MYO6: variants seen among roughly 807,000 people sequenced by gnomAD.
MYO6 encodes unconventional myosin-VI.
In MYO6, 74 loss-of-function variants were observed where a neutral mutation model predicts 178.7. The observed-to-expected ratio is 0.41, with a 90% CI of 0.34 to 0.50. MYO6 has a LOEUF of 0.50. Ranked by LOEUF, MYO6 falls within the 20% of genes least tolerant of loss-of-function variation. The probability of loss-of-function intolerance (pLI) is 0.09; values close to 1 mark genes in which losing one functional copy is unlikely to be tolerated. For synonymous variants in MYO6, 477 were observed against 504.6 expected (o/e 0.95, Z 0.73); for missense variants, 1,330 against 1,547.4 (o/e 0.86, Z 2.36).
intron 23 of MYO6, among the ~76,000 whole-genome samples, chr6:75,884,419 T>G (rs565356253): frequency 6.6e-6 from 1 of 152,166 alleles, no homozygotes; most frequent in South Asian, 2.1e-4. Flanking sequence ...TAAGACAGTT[T>G]GGGAGGTAGC....
chr6:75,799,571 A>G (rs1015314072), intron 1 of MYO6, among the ~76,000 whole-genome samples: 2 of 152,174 alleles, frequency 1.3e-5, no homozygotes, highest in Admixed American at 6.5e-5. Context: ...AGGCAAGCAA[A>G]TATATAGACT....
At chr6:75,799,339 G>A (rs1202913615) in intron 1 of MYO6, among the ~76,000 whole-genome samples, 3 of 150,778 alleles carry the variant, frequency 2.0e-5, no homozygotes, top group Admixed American at 6.6e-5. Context: ...GCAGTGATTC[G>A]CGATCTTGCC....
chr6:75,812,124 T>A (rs763170970), intron 1 of MYO6, among the ~76,000 whole-genome samples: 5 of 152,082 alleles, frequency 3.3e-5, no homozygotes, highest in Non-Finnish European at 5.9e-5. Flanking sequence ...ATTCAAGTCA[T>A]CCTCCTGCCT....
rs755583240 is a variant in MYO6 at position 75,887,012 on chromosome 6, G to A, written c.2658+18G>A. ...AAATTAAGGTATGTAATTTCAACCC[G>A]AATGACTTTGACTTTTTATGTAATT... On this transcript the variant is annotated intron_variant, in intron 25 of 34. Transcript: ENST00000369977. 8 of 1,598,862 alleles carry A rather than the reference G, an allele frequency of 5.0e-6. No homozygotes were observed. The highest frequency in any genetic ancestry group is 4.5e-5 in the East Asian group (2 of 44,746).
In MYO6 at chr6:75,838,198, G is replaced by A. The variant is rs368540249; in HGVS notation, c.553+2242G>A. 2.0e-5 allele frequency among the ~76,000 whole-genome samples: 3 copies of A among 152,004 alleles called. No individual in the cohort carries two copies. In the East Asian group the frequency reaches 5.8e-4, roughly 29 times the overall value. ...CTACCGAGTAGCTGGGATTATAGGG[G>A]TGTGTGCCACCACGCCTGGCTGATT... On this transcript the variant is annotated intron_variant, in intron 7 of 34. Transcript: ENST00000369977.
At chr6:75,879,335 C>T (rs1777822124) in intron 20 of MYO6, among the ~76,000 whole-genome samples, 1 of 152,074 alleles carries the variant, frequency 6.6e-6, no homozygotes, top group Non-Finnish European at 1.5e-5. Context: ...CCTCCACCTC[C>T]TTTGGCTCAG....
At chr6:75,857,775 C>T (rs1363774971) in intron 13 of MYO6, among the ~76,000 whole-genome samples, 1 of 152,176 alleles carries the variant, frequency 6.6e-6, no homozygotes, top group Non-Finnish European at 1.5e-5. Flanking sequence ...AGTTAAACAA[C>T]TGTAGAGCTG....
intron 5 of MYO6, among the ~76,000 whole-genome samples, chr6:75,831,904 A>G (rs1773133400): frequency 2.6e-5 from 4 of 151,578 alleles, no homozygotes; most frequent in Admixed American, 2.6e-4. Context: ...AAAAAAAAAA[A>G]GAAAAAAGCG....
chr6:75,874,759 T>C (rs959259187), intron 20 of MYO6, among the ~76,000 whole-genome samples: 3 of 152,244 alleles, frequency 2.0e-5, no homozygotes, highest in Non-Finnish European at 4.4e-5. Context: ...TCTTCCTCCT[T>C]ATTTTTCTCC....
intron 1 of MYO6, among the ~76,000 whole-genome samples, chr6:75,813,083 C>T (rs1278594522): frequency 2.0e-5 from 3 of 152,170 alleles, no homozygotes; most frequent in Non-Finnish European, 4.4e-5. Flanking sequence ...ATTCTGTGTA[C>T]TTACTATTAC....
intron 23 of MYO6, among the ~76,000 whole-genome samples, chr6:75,882,847 A>G (rs986175017): frequency 1.3e-5 from 2 of 152,338 alleles, no homozygotes; most frequent in East Asian, 3.9e-4. Context: ...GGTGAAATGC[A>G]TAAACACATA....
At chr6:75,812,787 T>G (rs985137243) in intron 1 of MYO6, among the ~76,000 whole-genome samples, 2 of 152,210 alleles carry the variant, frequency 1.3e-5, no homozygotes, top group African/African-American at 4.8e-5. Flanking sequence ...GATCTTTCTT[T>G]TTCATGGCTG....
chr6:75,874,443 C>T (rs1319010831), intron 20 of MYO6, among the ~76,000 whole-genome samples: 2 of 152,196 alleles, frequency 1.3e-5, no homozygotes, highest in Non-Finnish European at 2.9e-5. Flanking sequence ...ATCCTGCTTT[C>T]CTCAAATCTC....
chr6:75,787,540 A>G (rs1422251077), intron 1 of MYO6, among the ~76,000 whole-genome samples: 1 of 151,218 alleles, frequency 6.6e-6, no homozygotes, highest in Non-Finnish European at 1.5e-5. Context: ...AGTAATCTCC[A>G]TAATAACAGA....
intron 16 of MYO6, among the ~76,000 whole-genome samples, chr6:75,864,909 G>A (rs533136219): frequency 6.6e-6 from 1 of 152,224 alleles, no homozygotes; most frequent in African/African-American, 2.4e-5. Flanking sequence ...GACATACAAG[G>A]AGAGGTTAAG....
At chr6:75,830,870 A>G (rs1773008131) in intron 5 of MYO6, among the ~76,000 whole-genome samples, 1 of 152,154 alleles carries the variant, frequency 6.6e-6, no homozygotes, top group African/African-American at 2.4e-5. Context: ...TTTTAATACC[A>G]TCAGCTCCAT....
At chr6:75,771,161 C>T (rs1765857628) in intron 1 of MYO6, among the ~76,000 whole-genome samples, 1 of 152,036 alleles carries the variant, frequency 6.6e-6, no homozygotes, top group African/African-American at 2.4e-5. Context: ...GCCACCGCGC[C>T]TGGCTAATTT....
At chr6:75,854,275 CTTTTTTTTTTTTTTTTT>C (rs61398235) in intron 11 of MYO6, among the ~76,000 whole-genome samples, 6 of 45,498 alleles carry the variant, frequency 1.3e-4, no homozygotes, top group East Asian at 5.7e-4. Context: ...AACTGCATTG[CTTTTTTTTTTTTTTTTT>C]TTTTTTTTTT....
intron 19 of MYO6, among the ~76,000 whole-genome samples, chr6:75,871,378 T>C (rs1777129646): frequency 6.6e-6 from 1 of 152,132 alleles, no homozygotes; most frequent in Non-Finnish European, 1.5e-5. Context: ...GCCTCCCAAC[T>C]AGCTGAGACT....
Sources: gnomAD v4.1 joint callset for allele counts (sites outside exome capture counted in the v4.1 genomes callset) on GRCh38, gnomAD v4.1.1 for gene constraint, MANE v1.5 for transcripts, NCBI Gene and HGNC (gene_info 2026-07-23, HGNC 2026-07-21) for gene names.